WDR64: variants seen among roughly 807,000 people sequenced by gnomAD.
WDR64 encodes WD repeat-containing protein 64.
In WDR64, 112 loss-of-function variants were observed where a neutral mutation model predicts 139.3. The observed-to-expected ratio is 0.80, with a 90% CI of 0.69 to 0.94. The LOEUF is 0.94. WDR64 is among the 40% of genes least tolerant of loss of function. The probability of loss-of-function intolerance (pLI) is 0.00; values close to 1 mark genes in which losing one functional copy is unlikely to be tolerated. For missense variants in WDR64, 1,206 were observed against 1,293.1 expected (o/e 0.93, Z 1.03); for synonymous variants, 444 against 437.7 (o/e 1.01, Z -0.18).
chr1:241,688,204 T>G (rs1023376141), intron 8 of WDR64, among the ~76,000 whole-genome samples: 1 of 152,144 alleles, frequency 6.6e-6, no homozygotes, highest in African/African-American at 2.4e-5. Flanking sequence ...TATGATTCCA[T>G]CTATATGTAA....
At chr1:241,715,039 A>C (rs1042519215) in intron 9 of WDR64, among the ~76,000 whole-genome samples, 4 of 152,230 alleles carry the variant, frequency 2.6e-5, no homozygotes, top group African/African-American at 7.2e-5. Flanking sequence ...TTGTGCACTC[A>C]GAAATACCAA....
intron 20 of WDR64, 22 bp downstream of exon 20, chr1:241,772,953 G>C (rs1162634981): frequency 6.5e-7 from 1 of 1,542,596 alleles, no homozygotes; most frequent in Non-Finnish European, 8.8e-7. Flanking sequence ...CAGCAAGTCT[G>C]GGAATAGGAA....
At chr1:241,720,606 C>A (rs1668572207) in intron 9 of WDR64, among the ~76,000 whole-genome samples, 2 of 151,956 alleles carry the variant, frequency 1.3e-5, no homozygotes, top group Non-Finnish European at 2.9e-5. Flanking sequence ...GTCTTCTTTT[C>A]AGGAGTATCT....
At chr1:241,690,662 G>A (rs1272798512) in intron 8 of WDR64, among the ~76,000 whole-genome samples, 1 of 151,950 alleles carries the variant, frequency 6.6e-6, no homozygotes, top group African/African-American at 2.4e-5. Flanking sequence ...TAAAAGTGAA[G>A]GAGAAATAAA....
At chr1:241,734,704 GAGA>G (rs1286126250) in intron 10 of WDR64, among the ~76,000 whole-genome samples, 4 of 151,862 alleles carry the variant, frequency 2.6e-5, no homozygotes, top group Non-Finnish European at 4.4e-5. Flanking sequence ...TAGTCTAGTA[GAGA>G]AGGCCACCGA....
chr1:241,692,128 A>C (rs530343078), intron 8 of WDR64, among the ~76,000 whole-genome samples: 3 of 152,304 alleles, frequency 2.0e-5, no homozygotes, highest in East Asian at 3.8e-4. Context: ...AAATGAGGAC[A>C]ACCACAAAAC....
At chr1:241,726,048 T>TA (rs71174836) in intron 10 of WDR64, among the ~76,000 whole-genome samples, 58,988 of 151,182 alleles carry the variant, frequency 0.39, 11,993 homozygotes, top group South Asian at 0.49. Context: ...AGCTCTCTTT[T>TA]TTTTTTTTTA....
chr1:241,678,830 G>A (rs1363966537), intron 5 of WDR64, among the ~76,000 whole-genome samples: 1 of 109,150 alleles, frequency 9.2e-6, no homozygotes, highest in Non-Finnish European at 1.7e-5. Flanking sequence ...TGGATTCTCT[G>A]TAAACTTCTG....
At position 241,703,460 on chromosome 1, in the gene WDR64, G is replaced by GTT. The variant is rs35616829; in HGVS notation, c.975-8329_975-8328dup. 7.6e-4 allele frequency among the ~76,000 whole-genome samples: 110 copies of GTT among 143,952 alleles called. No individual in the cohort carries two copies. Among genetic ancestry groups the GTT allele is most frequent in the East Asian group, 1.0e-3 (5 of 4,940 alleles). 94.4% of individuals were successfully genotyped at this position (143,952 alleles called of 152,430 possible). ...TTTTGATAGGGGACTCTATCAAAAAGTTTTTTTTTTTTTTCTGTTTTGAAG... is the reference window on the plus strand; with the variant it reads ...TTTTGATAGGGGACTCTATCAAAAAGTTTTTTTTTTTTTTTTCTGTTTTGAAG... On this transcript the variant is annotated intron_variant, in intron 8 of 27. Coordinates refer to ENST00000437684, the MANE Select transcript of WDR64 (RefSeq NM_001367482.1). This position sits in a 1 kb window ranked among gnomAD's most constrained non-coding sequence, Gnocchi z 5.9.
At chr1:241,726,947 C>T (rs980430535) in intron 10 of WDR64, among the ~76,000 whole-genome samples, 1 of 151,670 alleles carries the variant, frequency 6.6e-6, no homozygotes, top group Admixed American at 6.6e-5. Context: ...AGTGCAATGG[C>T]ACCATCTCAG....
At chr1:241,702,504 A>C (rs1056069467) in intron 8 of WDR64, among the ~76,000 whole-genome samples, 2 of 148,436 alleles carry the variant, frequency 1.3e-5, no homozygotes, top group Non-Finnish European at 3.0e-5. Context: ...TAAGAAAGAT[A>C]CTGAAAAAAT....
intron 6 of WDR64, among the ~76,000 whole-genome samples, chr1:241,683,162 T>C (rs1401235817): frequency 6.6e-6 from 1 of 152,210 alleles, no homozygotes; most frequent in Non-Finnish European, 1.5e-5. Flanking sequence ...CACCTGAACC[T>C]TGTTATGCTT....
In WDR64 at chr1:241,703,829, C is replaced by T. The variant is rs570403714; in HGVS notation, c.975-7973C>T. ...ATCATGGCGGAAGGTGAAAGGGAAG[C>T]AAGGACCTTCTTCACATGATGGCAG... On this transcript the variant is annotated intron_variant, in intron 8 of 27. Transcript: ENST00000437684. The surrounding 1 kb of genome is among the most constrained non-coding windows in gnomAD (Gnocchi z 5.9). Among the ~76,000 whole-genome samples, 20 of 152,266 alleles carry T rather than the reference C, an allele frequency of 1.3e-4. No individual in the cohort carries two copies. The highest frequency in any genetic ancestry group is 4.8e-4 in the African/African-American group (20 of 41,536).
At chr1:241,727,949 G>C (rs1668909407) in intron 10 of WDR64, among the ~76,000 whole-genome samples, 1 of 152,094 alleles carries the variant, frequency 6.6e-6, no homozygotes, top group Non-Finnish European at 1.5e-5. Context: ...TCACCTCTGA[G>C]GAGGTGACAT....
rs375938552 is a variant in WDR64 at position 241,741,683 on chromosome 1, T to C, written c.1470+19T>C. The stretch of plus-strand genomic sequence containing the variant: ...AATTAGGGTAAGTACCTATTGGCTT[T>C]TCAAACAGAAAAAAAGGCAATGCAG... On this transcript the variant is annotated intron_variant, in intron 12 of 27. Coordinates refer to ENST00000437684, the MANE Select transcript of WDR64 (RefSeq NM_001367482.1). The C allele has an allele frequency of 5.1e-6, 8 of 1,560,570 alleles. No homozygotes were observed. The highest frequency in any genetic ancestry group is 6.0e-6 in the Non-Finnish European group (7 of 1,162,296).
intron 15 of WDR64, among the ~76,000 whole-genome samples, chr1:241,762,396 C>T (rs972405092): frequency 6.6e-6 from 1 of 152,058 alleles, no homozygotes; most frequent in Non-Finnish European, 1.5e-5. Flanking sequence ...GATATGCTTA[C>T]ACCTCCTCAA....
At chr1:241,674,486 C>T (rs1666386122) in intron 3 of WDR64, among the ~76,000 whole-genome samples, 158 bp from the exon 4 acceptor site, 1 of 151,920 alleles carries the variant, frequency 6.6e-6, no homozygotes, top group African/African-American at 2.4e-5. Flanking sequence ...AACTCCTGGA[C>T]TTGAGCAATC....
intron 2 of WDR64, among the ~76,000 whole-genome samples, chr1:241,665,628 C>G (rs1558460815): frequency 6.6e-6 from 1 of 152,094 alleles, no homozygotes; most frequent in Non-Finnish European, 1.5e-5. Context: ...TAAACATTAT[C>G]TAGACCTGCT....
chr1:241,690,215 G>C (rs1667161830), intron 8 of WDR64, among the ~76,000 whole-genome samples: 1 of 152,132 alleles, frequency 6.6e-6, no homozygotes, highest in Admixed American at 6.5e-5. Flanking sequence ...GCTCACACCT[G>C]TAATCCCAGG....
Sources: gnomAD v4.1 joint callset for allele counts (sites outside exome capture counted in the v4.1 genomes callset) on GRCh38, gnomAD v4.1.1 for gene constraint, Gnocchi (gnomAD v3.1) non-coding constraint, MANE v1.5 for transcripts, NCBI Gene and HGNC (gene_info 2026-07-23, HGNC 2026-07-21) for gene names.